PRR16: variants seen among roughly 807,000 people sequenced by gnomAD.
PRR16 encodes the protein protein Largen.
PRR16 carries 6 observed loss-of-function variants against 18.2 expected under a neutral mutation model. The observed-to-expected ratio is 0.33, with a 90% CI of 0.18 to 0.65. The LOEUF (loss-of-function observed/expected upper bound fraction) is 0.65. Among genes scored for constraint, PRR16 ranks in the 30% least tolerant of loss-of-function variants. PRR16 has a pLI of 0.74. For missense variants in PRR16, 412 were observed against 376.6 expected, an observed-to-expected ratio of 1.09 and a Z score of -0.78; for synonymous variants, 151 against 147.8, an observed-to-expected ratio of 1.02 and a Z score of -0.16.
At chr5:120,732,656 T>A in the PRR16 span, among the ~76,000 whole-genome samples, 1 of 152,168 alleles carries the variant, frequency 6.6e-6, no homozygotes, top group African/African-American at 2.4e-5. Flanking sequence ...AATGAATGCA[T>A]ATATACTGCC....
the PRR16 span, among the ~76,000 whole-genome samples, chr5:120,789,485 T>A: frequency 6.6e-6 from 1 of 152,122 alleles, no homozygotes; most frequent in Non-Finnish European, 1.5e-5. Context: ...ATAACCCTTT[T>A]TTAATCTGGT....
intron 1 of PRR16, among the ~76,000 whole-genome samples, chr5:120,487,613 T>C (rs1489877424): frequency 6.6e-6 from 1 of 152,184 alleles, no homozygotes; most frequent in African/African-American, 2.4e-5. Flanking sequence ...TTTGACTTCC[T>C]CTTTTCCTAA....
At chr5:120,532,038 T>C (rs1751567821) in intron 1 of PRR16, among the ~76,000 whole-genome samples, 1 of 152,124 alleles carries the variant, frequency 6.6e-6, no homozygotes, top group Non-Finnish European at 1.5e-5. Context: ...TCTCATATTA[T>C]GAAAAAGTTA....
At position 120,489,575 on chromosome 5, in the gene PRR16, C is replaced by T. The variant is rs576269551; in HGVS notation, c.159+24930C>T. Among the ~76,000 whole-genome samples, 820 of 152,232 alleles carry T rather than the reference C, an allele frequency of 5.4e-3. 12 individuals carry two copies. The highest frequency in any genetic ancestry group is 0.019 in the African/African-American group (779 of 41,536). ...GCACGTGAGATGGGTTTCCTGAATACAGCACACTGATGGGTCTTGACTCTT... is the reference window on the plus strand; with the variant it reads ...GCACGTGAGATGGGTTTCCTGAATATAGCACACTGATGGGTCTTGACTCTT... On this transcript the variant is annotated intron_variant, in intron 1 of 1. Transcript: ENST00000407149.
At chr5:120,749,981 T>C in the PRR16 span, among the ~76,000 whole-genome samples, 18 of 152,312 alleles carry the variant, frequency 1.2e-4, no homozygotes, top group Non-Finnish European at 2.2e-4. Context: ...CCCCATGGTA[T>C]AATGAAGATT....
At chr5:120,696,563 C>T in the PRR16 span, among the ~76,000 whole-genome samples, 1 of 152,138 alleles carries the variant, frequency 6.6e-6, no homozygotes, top group African/African-American at 2.4e-5. Flanking sequence ...ACTTGTGAAA[C>T]CACATGCACA....
At chr5:120,483,406 AAGTAAGGT>A (rs1749686484) in intron 1 of PRR16, among the ~76,000 whole-genome samples, 1 of 151,696 alleles carries the variant, frequency 6.6e-6, no homozygotes, top group Non-Finnish European at 1.5e-5. Context: ...TTCCTTTTCA[AAGTAAGGT>A]TTATGGAATA....
the PRR16 span, among the ~76,000 whole-genome samples, chr5:120,699,285 A>G: frequency 6.6e-6 from 1 of 152,168 alleles, no homozygotes; most frequent in Non-Finnish European, 1.5e-5. Flanking sequence ...CTTGTACTAT[A>G]GCATAACCTG....
At chr5:120,592,111 C>A (rs1436875661) in intron 1 of PRR16, among the ~76,000 whole-genome samples, 1 of 151,402 alleles carries the variant, frequency 6.6e-6, no homozygotes, top group African/African-American at 2.4e-5. Context: ...ATAACCAAGG[C>A]ATTATACTGT....
At position 120,674,987 on chromosome 5, in the gene PRR16, A is replaced by G. The variant is rs543562117; in HGVS notation, c.160-10967A>G. Among the ~76,000 whole-genome samples, 126 of 152,228 alleles carry G rather than the reference A, an allele frequency of 8.3e-4. 1 individual carries two copies. Among genetic ancestry groups the G allele is most frequent in the African/African-American group, 2.5e-3 (105 of 41,562 alleles). The stretch of plus-strand genomic sequence containing the variant: ...TTATAACTGCAGTACATTTTCAAGC[A>G]TCTCTAAATAGATTAATTAGACTTA... On this transcript the variant is annotated intron_variant, in intron 1 of 1. Coordinates refer to ENST00000407149, the MANE Select transcript of PRR16 (RefSeq NM_001300783.2).
the PRR16 span, among the ~76,000 whole-genome samples, chr5:120,725,197 A>ACT: frequency 6.6e-6 from 1 of 151,984 alleles, no homozygotes; most frequent in African/African-American, 2.4e-5. Flanking sequence ...AGAGTGATGA[A>ACT]CTAGGAGTAG....
chr5:120,747,244 G>A, the PRR16 span, among the ~76,000 whole-genome samples: 1 of 152,086 alleles, frequency 6.6e-6, no homozygotes, highest in East Asian at 1.9e-4. Flanking sequence ...GGACAGCTGA[G>A]GAGATTTACG....
intron 1 of PRR16, among the ~76,000 whole-genome samples, chr5:120,614,273 CT>C (rs891137232): frequency 6.6e-6 from 1 of 152,242 alleles, no homozygotes; most frequent in East Asian, 1.9e-4. Context: ...ATACTGTGGG[CT>C]TTTTTGTATC....
chr5:120,482,191 A>C (rs985348147), intron 1 of PRR16, among the ~76,000 whole-genome samples: 9 of 152,102 alleles, frequency 5.9e-5, no homozygotes, highest in African/African-American at 2.2e-4. Context: ...ACATGGGTAT[A>C]TTGTGTGATG....
the PRR16 span, among the ~76,000 whole-genome samples, chr5:120,754,401 T>TATAGTATATATTATATAATA: frequency 2.7e-4 from 18 of 67,212 alleles, 1 homozygote; most frequent in South Asian, 9.3e-4. Context: ...ATGTTATATA[T>TATAGTATATATTATATAATA]TATACTATAT....
At chr5:120,498,497 C>T (rs1750334906) in intron 1 of PRR16, among the ~76,000 whole-genome samples, 2 of 151,740 alleles carry the variant, frequency 1.3e-5, no homozygotes, top group East Asian at 1.9e-4. Context: ...AACTATTTCT[C>T]TACATATATG....
At chr5:120,607,051 T>C (rs1239102735) in intron 1 of PRR16, among the ~76,000 whole-genome samples, 1 of 152,220 alleles carries the variant, frequency 6.6e-6, no homozygotes, top group Non-Finnish European at 1.5e-5. Context: ...ATCATTTTAT[T>C]CTATTAGATT....
chr5:120,677,905 C>CTTTTTTTTTTTTTTTTTTTT (rs386404833), intron 1 of PRR16, among the ~76,000 whole-genome samples: 4 of 93,218 alleles, frequency 4.3e-5, no homozygotes, highest in Non-Finnish European at 5.8e-5. Context: ...CTTTTTCTTT[C>CTTTTTTTTTTTTTTTTTTTT]TTTTTTTTTT....
rs1026633899 is a variant in PRR16 at position 120,686,762 on chromosome 5, A to G, written c.*53A>G. On this transcript the variant is annotated 3_prime_UTR_variant, in exon 2 of 2. Transcript: ENST00000407149. ...TAATTTTCTATATTATAAACATAAA[A>G]TAAGTAATGAGCACTTTCTACTCAA... The G allele has an allele frequency of 7.7e-7, 1 of 1,300,070 alleles. No homozygotes were observed. The highest frequency in any genetic ancestry group is 1.5e-5 in the African/African-American group (1 of 66,266). 80.5% of individuals were successfully genotyped at this position (1,300,070 alleles called of 1,614,324 possible).
Sources: gnomAD v4.1 joint callset for allele counts (sites outside exome capture counted in the v4.1 genomes callset) on GRCh38, gnomAD v4.1.1 for gene constraint, MANE v1.5 for transcripts, NCBI Gene and HGNC (gene_info 2026-07-23, HGNC 2026-07-21) for gene names.